The following HIP1 variants were observed in gnomAD, a reference collection of about 807,000 sequenced individuals.
HIP1 encodes huntingtin-interacting protein 1.
In HIP1, 65 loss-of-function variants were observed where a neutral mutation model predicts 147.6. The ratio of observed to expected loss-of-function variants is 0.44; its 90% CI spans 0.36 to 0.54. The LOEUF (loss-of-function observed/expected upper bound fraction) is 0.54. HIP1 is among the 20% of genes least tolerant of loss of function. HIP1 has a pLI of 0.00. For missense variants in HIP1, 1,061 were observed against 1,299.6 expected (o/e 0.82, Z 2.82); for synonymous variants, 479 against 504.0 (o/e 0.95, Z 0.67).
At position 75,726,778 on chromosome 7, in the gene HIP1, G is replaced by A. The variant is rs547600921; in HGVS notation, c.120+12023C>T. Among the ~76,000 whole-genome samples the A allele has an allele frequency of 7.5e-5, 11 of 145,712 alleles. No individual in the cohort carries two copies. In the East Asian group the frequency reaches 1.0e-3, roughly 14 times the overall value. On this transcript the variant is annotated intron_variant, in intron 1 of 30. Coordinates refer to ENST00000336926, the MANE Select transcript of HIP1 (RefSeq NM_005338.7). ...GAGTGCAGTGTACGATCTCCATCTC[G>A]GTTCACTGCAACCTCCGCCTCCCAA... is the stretch of plus-strand genomic sequence containing the variant.
chr7:75,592,412 C>T lies in HIP1; in HGVS notation c.287G>A (p.Cys96Tyr), dbSNP rs1029916875. ...TCGGAGGAGTTTGTGGAACACATGG[C>T]AGAACTTCCAGCAGAGCACTGCGTT... ...SSNAVLCWKF[C>Y]HVFHKLLRDG... The change falls in exon 3 of 31, where the codon TGC becomes TAC. Residue 96 changes from cysteine to tyrosine, a missense_variant. Cys to Tyr is a radical substitution (Grantham distance 194). Around this residue, in one of 3 missense-constraint regions of HIP1, gnomAD observed 225 missense variants for 292.9 expected, o/e 0.77. Transcript: ENST00000336926. The T allele has an allele frequency of 1.2e-6, 2 of 1,612,370 alleles. No homozygotes were observed. The highest frequency in any genetic ancestry group is 1.7e-6 in the Non-Finnish European group (2 of 1,179,588).
intron 1 of HIP1, among the ~76,000 whole-genome samples, chr7:75,606,056 C>T (rs1207116704): frequency 6.6e-6 from 1 of 152,026 alleles, no homozygotes; most frequent in African/African-American, 2.4e-5. Flanking sequence ...ATTATGTTGC[C>T]CAGGCTGGTC....
rs1563278510 is a variant in HIP1, at chr7:75,664,039, CACATATATGTGT to C, written c.121-64804_121-64793del. On this transcript the variant is annotated intron_variant, in intron 1 of 30. Coordinates refer to ENST00000336926, the MANE Select transcript of HIP1 (RefSeq NM_005338.7). ...ATACACATATATGTGTATATATATA[CACATATATGTGT>C]ATATACACATATATGTGTATATACA... Among the ~76,000 whole-genome samples the C allele has an allele frequency of 1.0e-3, 24 of 23,810 alleles. 5 individuals carry two copies. Among genetic ancestry groups the C allele is most frequent in the African/African-American group, 7.2e-3 (16 of 2,208 alleles). 15.6% of individuals were successfully genotyped at this position (23,810 alleles called of 152,430 possible).
intron 1 of HIP1, among the ~76,000 whole-genome samples, chr7:75,723,351 G>A (rs1480439170): frequency 1.3e-5 from 2 of 152,102 alleles, no homozygotes; most frequent in Admixed American, 6.6e-5. Context: ...CACCCTGGGC[G>A]ACAGAGCAAG....
intron 1 of HIP1, among the ~76,000 whole-genome samples, chr7:75,711,472 T>G (rs1563307408): frequency 6.6e-6 from 1 of 152,144 alleles, no homozygotes; most frequent in Admixed American, 6.6e-5. Context: ...GGCAGAGAGC[T>G]TCTTACAAAA....
At chr7:75,546,870 G>T in intron 25 of HIP1, 69 bp downstream of exon 25, 1 of 1,082,698 alleles carries the variant, frequency 9.2e-7, no homozygotes, top group Non-Finnish European at 1.4e-6. Flanking sequence ...CAGCATCACA[G>T]AGTCCGTTGG....
chr7:75,633,170 A>G (rs1488331419), intron 1 of HIP1, among the ~76,000 whole-genome samples: 1 of 152,124 alleles, frequency 6.6e-6, no homozygotes, highest in African/African-American at 2.4e-5. Context: ...AAAAAAATAC[A>G]TTTTACAGGG....
intron 7 of HIP1, among the ~76,000 whole-genome samples, chr7:75,577,439 A>G (rs587596151): frequency 2.1e-4 from 32 of 152,068 alleles, no homozygotes; most frequent in African/African-American, 7.5e-4. Context: ...GCTCTGGGAA[A>G]CTCTAGGGTG....
chr7:75,591,111 C>T (rs1796486940), intron 4 of HIP1, among the ~76,000 whole-genome samples: 2 of 151,812 alleles, frequency 1.3e-5, no homozygotes, highest in Admixed American at 1.3e-4. Flanking sequence ...TGGCTCACCA[C>T]AACCTTCGCC....
Position 75,545,100 on chromosome 7 carries a change from G to T in HIP1, c.2648C>A (p.Ala883Asp), listed in dbSNP as rs1554490746. 6.2e-7 allele frequency: 1 copy of T among 1,601,664 alleles called. No homozygotes were observed. Among genetic ancestry groups the T allele is most frequent in the Non-Finnish European group, 8.5e-7 (1 of 1,173,092 alleles). ...AATAGATACTTACACCATGACAGTG[G>T]CTCCCCAGCCCACAGCCTTGGAGGC... ...ISASKAVGWG[A>D]TVMVDAADLV... The change falls in exon 26 of 31, where the codon GCC becomes GAC. Residue 883 changes from alanine to aspartate, a missense_variant. This residue lies in a region of HIP1 where 810 missense variants were observed against 946.8 expected (regional missense o/e 0.86). Coordinates refer to ENST00000336926, the MANE Select transcript of HIP1 (RefSeq NM_005338.7).
chr7:75,584,878 T>C (rs1227720685), intron 5 of HIP1, among the ~76,000 whole-genome samples: 1 of 151,536 alleles, frequency 6.6e-6, no homozygotes, highest in Non-Finnish European at 1.5e-5. Flanking sequence ...AGACAGAGTC[T>C]TGCTCTGTCA....
intron 3 of HIP1, 43 bp from the exon 4 acceptor site, chr7:75,592,155 A>G: frequency 6.4e-7 from 1 of 1,574,088 alleles, no homozygotes; most frequent in Non-Finnish European, 8.7e-7. Context: ...TGGAGAAGGA[A>G]AGAAAGACAA....
At chr7:75,634,613 G>C (rs1798359009) in intron 1 of HIP1, among the ~76,000 whole-genome samples, 1 of 152,056 alleles carries the variant, frequency 6.6e-6, no homozygotes, top group Non-Finnish European at 1.5e-5. Flanking sequence ...TGGGGTTGCA[G>C]TGAGAACAAG....
rs375773554 is a variant in HIP1 at position 75,658,385 on chromosome 7, C to T, written c.121-59138G>A. On this transcript the variant is annotated intron_variant, in intron 1 of 30. Transcript: ENST00000336926. ...GATTACAGGCGTGAGCCACTGTATC[C>T]GGCCTCTTCTTCATTTTTTGAAGGA... Among the ~76,000 whole-genome samples the T allele has an allele frequency of 2.2e-3, 338 of 152,228 alleles. 2 individuals are homozygous for T. The highest frequency in any genetic ancestry group is 7.8e-3 in the African/African-American group (322 of 41,540).
intron 7 of HIP1, among the ~76,000 whole-genome samples, chr7:75,575,637 C>G (rs1343641296): frequency 1.3e-5 from 2 of 152,128 alleles, no homozygotes; most frequent in African/African-American, 4.8e-5. Flanking sequence ...CAATTTCTCA[C>G]GCTGGGGCTC....
chr7:75,554,469 C>G lies in HIP1; in HGVS notation c.2021G>C (p.Ser674Thr), dbSNP rs1554492795. 6.2e-7 allele frequency: 1 copy of G among 1,613,868 alleles called. No individual in the cohort carries two copies. The highest frequency in any genetic ancestry group is 8.5e-7 in the Non-Finnish European group (1 of 1,179,936). Residue 674 changes from serine (S) to threonine (T), a missense_variant, in exon 20 of 31, where the codon AGC becomes ACC. By Grantham distance (58) the Ser-to-Thr change is moderately conservative. Around this residue, in one of 3 missense-constraint regions of HIP1, gnomAD observed 810 missense variants for 946.8 expected, o/e 0.86. Coordinates refer to ENST00000336926, the MANE Select transcript of HIP1 (RefSeq NM_005338.7). ...ISSCIEQLEK[S>T]WSQYLACPED... is the part of the protein sequence containing the mutation. Reference sequence around the variant, plus strand: ...TGGGCAGGCCAGATACTGGCTCCAGCTTTTCTCCAGTTGCTCGATGCAGCT... The same window carrying G: ...TGGGCAGGCCAGATACTGGCTCCAGGTTTTCTCCAGTTGCTCGATGCAGCT...
chr7:75,597,163 T>C (rs1796777469), intron 2 of HIP1, among the ~76,000 whole-genome samples: 2 of 152,364 alleles, frequency 1.3e-5, no homozygotes, highest in South Asian at 4.1e-4. Context: ...GCTGGACTTC[T>C]GGGTTACCCC....
At chr7:75,688,521 G>A (rs781924186) in intron 1 of HIP1, among the ~76,000 whole-genome samples, 1 of 152,082 alleles carries the variant, frequency 6.6e-6, no homozygotes, top group Non-Finnish European at 1.5e-5. Context: ...ACAGGAAGCC[G>A]CACTAAGGGG....
Position 75,607,324 on chromosome 7 carries a change from G to A in HIP1, c.121-8077C>T, listed in dbSNP as rs193148814. Reference sequence around the variant, plus strand: ...AGCTCACTGCAACCTCTGCCTTCTGGGTTCAAGCGATTCTCCTGTCTCAGC... The same window carrying A: ...AGCTCACTGCAACCTCTGCCTTCTGAGTTCAAGCGATTCTCCTGTCTCAGC... On this transcript the variant is annotated intron_variant, in intron 1 of 30. Coordinates refer to ENST00000336926, the MANE Select transcript of HIP1 (RefSeq NM_005338.7). Among the ~76,000 whole-genome samples, 974 of 150,322 alleles carry A rather than the reference G, an allele frequency of 6.5e-3. 8 individuals are homozygous for A. Among genetic ancestry groups the A allele is most frequent in the Non-Finnish European group, 0.012 (808 of 67,668 alleles).
Sources: gnomAD v4.1 joint callset for allele counts (sites outside exome capture counted in the v4.1 genomes callset) on GRCh38, gnomAD v4.1.1 for gene constraint, gnomAD v4.1.1 regional missense constraint, MANE v1.5 for transcripts, NCBI Gene and HGNC (gene_info 2026-07-23, HGNC 2026-07-21) for gene names.